Variants in ANO6 observed in about 807,000 individuals in gnomAD.
ANO6 encodes anoctamin 6.
A neutral mutation model predicts 117.5 loss-of-function variants in ANO6; 106 were observed. That is an observed-to-expected ratio of 0.90 (90% CI 0.77 to 1.06). ANO6 has a LOEUF of 1.06. Ranked by LOEUF, ANO6 falls within the 50% of genes least tolerant of loss-of-function variation. ANO6 has a pLI of 0.00. For synonymous variants in ANO6, 367 were observed against 385.1 expected (o/e 0.95, Z 0.55); for missense variants, 955 against 1,121.1 (o/e 0.85, Z 2.12).
At chr12:45,408,198 C>T (rs999789346) in intron 15 of ANO6, among the ~76,000 whole-genome samples, 1 of 152,260 alleles carries the variant, frequency 6.6e-6, no homozygotes, top group Non-Finnish European at 1.5e-5. Context: ...AACCATCATG[C>T]GATGCCTTCT....
intron 1 of ANO6, among the ~76,000 whole-genome samples, chr12:45,291,937 G>C (rs993072430): frequency 2.0e-5 from 3 of 151,964 alleles, no homozygotes; most frequent in African/African-American, 4.8e-5. Context: ...CATAATTATC[G>C]TACGATCCAC....
intron 1 of ANO6, among the ~76,000 whole-genome samples, chr12:45,274,007 T>A (rs1323920545): frequency 6.6e-6 from 1 of 152,186 alleles, no homozygotes; most frequent in African/African-American, 2.4e-5. Flanking sequence ...TTCCTGAAAT[T>A]CTTTTTTTAC....
At position 45,416,829 on chromosome 12, in the gene ANO6, A is replaced by T. The variant is rs988467242; in HGVS notation, c.2142A>T (p.Val714=). The change falls in exon 17 of 20, where the codon GTA becomes GTT. Residue 714 remains valine, a synonymous_variant. Transcript: ENST00000320560. ...WKLTTQFRRL[V]PEKAQDIGAW... is the part of the protein sequence containing the mutation. Reference sequence around the variant, plus strand: ...TGACCACCCAGTTTAGACGCCTGGTACCAGAGAAAGCCCAAGACATTGGAG... The same window carrying T: ...TGACCACCCAGTTTAGACGCCTGGTTCCAGAGAAAGCCCAAGACATTGGAG... 3.7e-6 allele frequency: 6 copies of T among 1,614,090 alleles called. No homozygotes were observed. Among genetic ancestry groups the T allele is most frequent in the African/African-American group, 1.3e-5 (1 of 74,950 alleles).
At position 45,238,782 on chromosome 12, in the gene ANO6, G is replaced by A. The variant is rs560413424; in HGVS notation, c.70+22391G>A. Among the ~76,000 whole-genome samples, 195 of 152,166 alleles carry A rather than the reference G, an allele frequency of 1.3e-3. 1 individual carries two copies. Among genetic ancestry groups the A allele is most frequent in the Non-Finnish European group, 1.4e-3 (97 of 68,020 alleles). ...TTGAATTTTGTTGAAGGCCTTTTCTGCATCTATTGAGATAATCATGTGGTT... is the reference window on the plus strand; with the variant it reads ...TTGAATTTTGTTGAAGGCCTTTTCTACATCTATTGAGATAATCATGTGGTT... On this transcript the variant is annotated intron_variant, in intron 1 of 19. Coordinates refer to ENST00000320560, the MANE Select transcript of ANO6 (RefSeq NM_001025356.3).
intron 1 of ANO6, among the ~76,000 whole-genome samples, chr12:45,229,779 T>C (rs538836144): frequency 5.6e-4 from 85 of 152,276 alleles, no homozygotes; most frequent in African/African-American, 1.7e-3. Flanking sequence ...CTGCCACTAC[T>C]TAAGCTTTGG....
At chr12:45,426,879 G>T (rs73283323) in intron 19 of ANO6, among the ~76,000 whole-genome samples, 1,994 of 151,806 alleles carry the variant, frequency 0.013, 36 homozygotes, top group African/African-American at 0.046. Context: ...TAAAATGGCT[G>T]TTTGCAGAGC....
chr12:45,317,729 G>C (rs183953261), intron 2 of ANO6, among the ~76,000 whole-genome samples: 2,495 of 152,186 alleles, frequency 0.016, 44 homozygotes, highest in South Asian at 0.072. Context: ...CTAGTTTACA[G>C]TCCCACCAAC....
Position 45,421,284 on chromosome 12 carries a change from CT to C in ANO6, c.2420+14del, listed in dbSNP as rs1229345789. On this transcript the variant is annotated intron_variant, in intron 18 of 19. Coordinates refer to ENST00000320560, the MANE Select transcript of ANO6 (RefSeq NM_001025356.3). ...CCATACCACATGCAGGCAAGTTCTGCTTTACTTGTTTAAAAATGCACTTCAT... is the reference window on the plus strand; with the variant it reads ...CCATACCACATGCAGGCAAGTTCTGCTTACTTGTTTAAAAATGCACTTCAT... The C allele has an allele frequency of 1.2e-6, 2 of 1,612,808 alleles. No individual in the cohort carries two copies. Among genetic ancestry groups the C allele is most frequent in the Non-Finnish European group, 1.7e-6 (2 of 1,179,180 alleles).
At chr12:45,261,661 A>G (rs1422348643) in intron 1 of ANO6, among the ~76,000 whole-genome samples, 1 of 152,204 alleles carries the variant, frequency 6.6e-6, no homozygotes, top group Non-Finnish European at 1.5e-5. Context: ...TATTGAGGCC[A>G]TTTGGATGTC....
intron 2 of ANO6, among the ~76,000 whole-genome samples, chr12:45,316,383 G>A (rs1335401974): frequency 6.6e-6 from 1 of 152,086 alleles, no homozygotes; most frequent in African/African-American, 2.4e-5. Context: ...GTAAACCTCA[G>A]CTAGCTGCGG....
intron 1 of ANO6, among the ~76,000 whole-genome samples, chr12:45,276,488 T>C (rs1259316707): frequency 1.3e-5 from 2 of 151,608 alleles, no homozygotes; most frequent in African/African-American, 4.8e-5. Context: ...TTGTTTTTTC[T>C]TTTTCCTTGC....
intron 2 of ANO6, 23 bp downstream of exon 2, chr12:45,302,116 A>G: frequency 1.2e-6 from 2 of 1,604,210 alleles, no homozygotes; most frequent in Admixed American, 1.7e-5. Context: ...CCTTTATCTT[A>G]AATTTGTATT....
intron 8 of ANO6, among the ~76,000 whole-genome samples, chr12:45,361,530 T>A (rs1210384413): frequency 3.3e-5 from 5 of 152,130 alleles, no homozygotes; most frequent in Non-Finnish European, 2.9e-5. Flanking sequence ...AGGACTTTAT[T>A]TTTTCTTACC....
At chr12:45,292,777 T>G in intron 1 of ANO6, 1 of 1,456,220 alleles carries the variant, frequency 6.9e-7, no homozygotes, top group Non-Finnish European at 9.1e-7. Context: ...GGAGAAATTG[T>G]GCTTACTGAA....
chr12:45,298,369 T>C (rs12302718), intron 1 of ANO6, among the ~76,000 whole-genome samples: 2 of 152,234 alleles, frequency 1.3e-5, no homozygotes, highest in African/African-American at 4.8e-5. Flanking sequence ...TTTAGAATTT[T>C]GTCTTGATTC....
intron 1 of ANO6, among the ~76,000 whole-genome samples, chr12:45,289,329 G>A (rs1307160903): frequency 2.0e-5 from 3 of 151,782 alleles, no homozygotes; most frequent in African/African-American, 7.3e-5. Flanking sequence ...ACCACACCTG[G>A]CTAATTTTTG....
chr12:45,344,328 G>C (rs1160307805), intron 3 of ANO6, among the ~76,000 whole-genome samples: 1 of 152,182 alleles, frequency 6.6e-6, no homozygotes, highest in Non-Finnish European at 1.5e-5. Flanking sequence ...ATATGTGTTA[G>C]GCATTGTATT....
At chr12:45,426,766 C>G (rs771077628) in intron 19 of ANO6, among the ~76,000 whole-genome samples, 24 of 152,080 alleles carry the variant, frequency 1.6e-4, no homozygotes, top group Non-Finnish European at 3.1e-4. Context: ...CTTAGTGATC[C>G]TGGGACTCAT....
downstream of ANO6, among the ~76,000 whole-genome samples, chr12:45,432,804 A>G (rs1222575676): frequency 5.9e-5 from 9 of 152,136 alleles, no homozygotes. Flanking sequence ...TCTCTATAGG[A>G]CACCTTTCCC....
Sources: allele counts gnomAD v4.1 joint callset (sites outside exome capture counted in the v4.1 genomes callset), GRCh38; gene constraint gnomAD v4.1.1; transcripts MANE v1.5; gene names NCBI Gene and HGNC (gene_info 2026-07-23, HGNC 2026-07-21).